TCF20: variants seen among roughly 807,000 people sequenced by gnomAD.
The protein encoded by TCF20 is transcription factor 20.
In TCF20, 3 loss-of-function variants were observed where a neutral mutation model predicts 148.6. That is an observed-to-expected ratio of 0.02 (90% confidence interval 0.01 to 0.05). The LOEUF (loss-of-function observed/expected upper bound fraction) is 0.05, where lower values mean the gene tolerates loss of function less well. Ranked by LOEUF, TCF20 falls within the 10% of genes least tolerant of loss-of-function variation. The pLI is 1.00. For missense variants in TCF20, 2,350 were observed against 2,429.3 expected (o/e 0.97, Z 0.69); for synonymous variants, 1,049 against 909.5 (o/e 1.15, Z -2.76).
In TCF20 at chr22:42,217,972, T is replaced by G. The variant is rs1921978063; in HGVS notation, c.-36-2631A>C. ...TGTGACCCAAAACAATCGCTAAACA[T>G]TCATGTGCAAATAATGTCAGAATCT... On this transcript the variant is annotated intron_variant, in intron 1 of 5. Coordinates refer to ENST00000677622, the MANE Select transcript of TCF20 (RefSeq NM_001378418.1). 2.0e-5 allele frequency among the ~76,000 whole-genome samples: 3 copies of G among 152,216 alleles called. No individual in the cohort carries two copies. In the South Asian group the frequency reaches 6.2e-4, roughly 32 times the overall value.
Position 42,195,707 on chromosome 22 carries a change from C to T in TCF20, c.5655+13944G>A, listed in dbSNP as rs930169493. The stretch of plus-strand genomic sequence containing the variant: ...TAGAGATGGGGTTTCCCCACGTTGG[C>T]CAGGCTAGTCTCAAACTCCTGACCT... On this transcript the variant is annotated intron_variant, in intron 2 of 5. Coordinates refer to ENST00000677622, the MANE Select transcript of TCF20 (RefSeq NM_001378418.1). Among the ~76,000 whole-genome samples, 3 of 152,080 alleles carry T rather than the reference C, an allele frequency of 2.0e-5. No homozygotes were observed. The South Asian group carries it at 6.2e-4, about 31-fold the overall frequency.
chr22:42,268,938 T>C (rs557894278), intron 1 of TCF20, among the ~76,000 whole-genome samples: 18 of 152,334 alleles, frequency 1.2e-4, no homozygotes, highest in Admixed American at 3.3e-4. Flanking sequence ...AAGTTGCCTA[T>C]GGCTAAAACA....
chr22:42,271,999 C>A (rs1214670035), upstream of TCF20, among the ~76,000 whole-genome samples: 1 of 152,158 alleles, frequency 6.6e-6, no homozygotes, highest in Non-Finnish European at 1.5e-5. Flanking sequence ...GGTCCTGGGC[C>A]CCTTGGCAGG....
intron 3 of TCF20, among the ~76,000 whole-genome samples, chr22:42,173,115 T>C (rs1426618193): frequency 7.1e-6 from 1 of 140,642 alleles, no homozygotes; most frequent in Non-Finnish European, 1.5e-5. Context: ...TGTTTTTTCA[T>C]GAGAGTAGAA....
At chr22:42,289,165 A>G (rs1304925712) in intron 1 of TCF20, among the ~76,000 whole-genome samples, 1 of 152,212 alleles carries the variant, frequency 6.6e-6, no homozygotes, top group African/African-American at 2.4e-5. Context: ...AAGTTAGACT[A>G]CAAAACAGCC....
intron 1 of TCF20, among the ~76,000 whole-genome samples, chr22:42,255,961 G>A (rs134868): frequency 0.74 from 112,097 of 152,014 alleles, 41,659 homozygotes; most frequent in African/African-American, 0.79. Context: ...TTAGCCTAAG[G>A]GCCCAGGGTT....
At chr22:42,166,874 G>C (rs927260700) in intron 5 of TCF20, among the ~76,000 whole-genome samples, 2 of 152,202 alleles carry the variant, frequency 1.3e-5, no homozygotes, top group Non-Finnish European at 2.9e-5. Flanking sequence ...ATCTTGGCCT[G>C]TGCTGGCACA....
Position 42,214,588 on chromosome 22 carries a change from AAGC to A in TCF20, c.715_717del (p.Ala239del). 1 of 1,613,900 alleles carries A rather than the reference AAGC, an allele frequency of 6.2e-7. No individual in the cohort carries two copies. The highest frequency in any genetic ancestry group is 8.5e-7 in the Non-Finnish European group (1 of 1,179,996). On this transcript the variant is annotated inframe_deletion, in exon 2 of 6. Coordinates refer to ENST00000677622, the MANE Select transcript of TCF20 (RefSeq NM_001378418.1). ...GGGAAGGAGGAGGAGGAGGAGGAGG[AAGC>A]AGAAGACTGATAGTGTTGGCCAAAC...
intron 1 of TCF20, among the ~76,000 whole-genome samples, chr22:42,240,935 G>A (rs536761407): frequency 2.0e-5 from 3 of 151,532 alleles, no homozygotes; most frequent in African/African-American, 2.4e-5. Flanking sequence ...AGTTCACTGC[G>A]ACCTCCGCCT....
chr22:42,162,900 C>G (rs973126657), intron 5 of TCF20, among the ~76,000 whole-genome samples: 1 of 152,188 alleles, frequency 6.6e-6, no homozygotes, highest in Admixed American at 6.5e-5. Flanking sequence ...CACCAATAAG[C>G]AGGAACACAC....
intron 2 of TCF20, among the ~76,000 whole-genome samples, chr22:42,195,631 T>C (rs913874129): frequency 6.6e-6 from 1 of 151,764 alleles, no homozygotes; most frequent in Non-Finnish European, 1.5e-5. Context: ...TCCCCAGCAG[T>C]TGGGATTACA....
At chr22:42,335,396 G>C (rs73433581) in intron 1 of TCF20, among the ~76,000 whole-genome samples, 4,048 of 152,194 alleles carry the variant, frequency 0.027, 161 homozygotes, top group African/African-American at 0.087. Context: ...CCTGTTTGCT[G>C]TCTGTCACTC....
At chr22:42,310,563 T>C (rs1308769689) in intron 1 of TCF20, among the ~76,000 whole-genome samples, 1 of 152,108 alleles carries the variant, frequency 6.6e-6, no homozygotes, top group African/African-American at 2.4e-5. Context: ...TGCAGAGAAC[T>C]TTCCAGGCAG....
chr22:42,275,001 G>A (rs1926742263), upstream of TCF20: 1 of 152,194 alleles, frequency 6.6e-6, no homozygotes, highest in Admixed American at 6.5e-5. Context: ...GGGCCACTGA[G>A]GTGCAAAGAG....
At chr22:42,281,274 G>A (rs1292821084) in intron 1 of TCF20, among the ~76,000 whole-genome samples, 1 of 152,336 alleles carries the variant, frequency 6.6e-6, no homozygotes, top group South Asian at 2.1e-4. Context: ...GCCTGAGAGA[G>A]GCTGGCTTGG....
At chr22:42,231,774 A>G (rs1416469343) in intron 1 of TCF20, among the ~76,000 whole-genome samples, 1 of 151,852 alleles carries the variant, frequency 6.6e-6, no homozygotes, top group Non-Finnish European at 1.5e-5. Context: ...CTAAAAATAC[A>G]AAAAATTAGC....
rs144899746 is a variant in TCF20 at position 42,217,705 on chromosome 22, T to TAAAA, written c.-36-2368_-36-2365dup. Among the ~76,000 whole-genome samples, 1,109 of 152,288 alleles carry TAAAA rather than the reference T, an allele frequency of 7.3e-3. 5 individuals are homozygous for TAAAA. The highest frequency in any genetic ancestry group is 0.011 in the Non-Finnish European group (772 of 68,018). On this transcript the variant is annotated intron_variant, in intron 1 of 5. Coordinates refer to ENST00000677622, the MANE Select transcript of TCF20 (RefSeq NM_001378418.1). ...AAGTGAAAATAGAATATGATCAACC[T>TAAAA]AAAAGCAGAGCTGGAGGATGCTGAA...
chr22:42,302,074 G>T (rs1927346445), intron 1 of TCF20, among the ~76,000 whole-genome samples: 1 of 152,250 alleles, frequency 6.6e-6, no homozygotes, highest in Non-Finnish European at 1.5e-5. Context: ...CAGAGCAAGA[G>T]CCGGCAAAGG....
intron 1 of TCF20, among the ~76,000 whole-genome samples, chr22:42,301,628 C>T (rs183220558): frequency 6.6e-6 from 1 of 152,196 alleles, no homozygotes; most frequent in Non-Finnish European, 1.5e-5. Flanking sequence ...AGCTCCCTGG[C>T]GTAGCTCCAG....
Sources: gnomAD v4.1 joint callset for allele counts (sites outside exome capture counted in the v4.1 genomes callset) on GRCh38, gnomAD v4.1.1 for gene constraint, MANE v1.5 for transcripts, NCBI Gene and HGNC (gene_info 2026-07-23, HGNC 2026-07-21) for gene names.